SLC7A7: variants seen among roughly 807,000 people sequenced by gnomAD.
SLC7A7 encodes the protein solute carrier family 7 member 7.
SLC7A7 carries 39 observed loss-of-function variants against 47.9 expected under a neutral mutation model. The ratio of observed to expected loss-of-function variants is 0.81; its 90% CI spans 0.63 to 1.06. The LOEUF is 1.06. Among genes scored for constraint, SLC7A7 ranks in the 50% least tolerant of loss-of-function variants. SLC7A7 has a pLI of 0.00. For missense variants in SLC7A7, 588 were observed against 632.0 expected (o/e 0.93, Z 0.75); for synonymous variants, 234 against 242.8 (o/e 0.96, Z 0.34).
rs914925950 is a variant in SLC7A7, at chr14:22,773,533, C to T, written c.*77G>A. On this transcript the variant is annotated 3_prime_UTR_variant, in exon 10 of 10. Transcript: ENST00000674313. ...GGACAGGTGCCTCCAAAGAAGTGAG[C>T]TTTCCTTTTCAACTTCCTTAGCTCT... 7.6e-7 allele frequency: 1 copy of T among 1,315,616 alleles called. No homozygotes were observed. The highest frequency in any genetic ancestry group is 1.1e-6 in the Non-Finnish European group (1 of 913,290). The allele number at this position is 1,315,616 out of a possible 1,614,324, so 81.5% of individuals were successfully genotyped here. A position where few individuals can be genotyped will look rare whatever the true frequency, so the allele number is the denominator to read the frequency against.
chr14:22,775,927 C>A lies in SLC7A7; in HGVS notation c.904G>T (p.Asp302Tyr). The change falls in exon 6 of 10, where the codon GAT (aspartate) becomes TAT (tyrosine). Residue 302 changes from aspartate (D) to tyrosine (Y), a missense_variant. Coordinates refer to ENST00000674313, the MANE Select transcript of SLC7A7 (RefSeq NM_003982.4). ...ASDAVAVTFA[D>Y]QIFGIFNWII... Reference sequence around the variant, plus strand: ...CAGTTAAATATTCCAAATATCTGATCTGCAAAAGTCTAAGGGAAAAGAATG... The same window carrying A: ...CAGTTAAATATTCCAAATATCTGATATGCAAAAGTCTAAGGGAAAAGAATG... The A allele has an allele frequency of 6.2e-7, 1 of 1,612,818 alleles. No homozygotes were observed. The highest frequency in any genetic ancestry group is 8.5e-7 in the Non-Finnish European group (1 of 1,178,752).
chr14:22,801,702 G>A (rs1480604795), intron 2 of SLC7A7, among the ~76,000 whole-genome samples: 2 of 152,154 alleles, frequency 1.3e-5, no homozygotes, highest in Non-Finnish European at 2.9e-5. Context: ...TTGAACCTGG[G>A]AAGCAGAGGT....
chr14:22,787,621 TGGCACAC>T (rs2038840529), intron 2 of SLC7A7, among the ~76,000 whole-genome samples: 1 of 151,470 alleles, frequency 6.6e-6, no homozygotes, highest in Non-Finnish European at 1.5e-5. Flanking sequence ...CAGGGTGTGA[TGGCACAC>T]GCCTGTGGTC....
rs191641227 is a variant in SLC7A7 at position 22,776,430 on chromosome 14, G to C, written c.771-112C>G. On this transcript the variant is annotated intron_variant, in intron 4 of 9. Coordinates refer to ENST00000674313, the MANE Select transcript of SLC7A7 (RefSeq NM_003982.4). ...GGTCTTTCCAGGGATGGAGACTGTT[G>C]CTACATTTCCTCAATGCATTTGTCT... 6.5e-6 allele frequency: 9 copies of C among 1,387,918 alleles called. No homozygotes were observed. The East Asian group carries it at 1.4e-4, about 21-fold the overall frequency. 86.0% of individuals were successfully genotyped at this position (1,387,918 alleles called of 1,614,324 possible).
chr14:22,784,487 G>A lies in SLC7A7; in HGVS notation c.500-4436C>T, dbSNP rs571822687. ...ACAAAAATTAGCTGGGCATGGTGGT[G>A]TGTGCCTGTAGTCCCATCTACTTGG... On this transcript the variant is annotated intron_variant, in intron 2 of 9. Transcript: ENST00000674313. 2.0e-5 allele frequency among the ~76,000 whole-genome samples: 3 copies of A among 152,200 alleles called. No individual in the cohort carries two copies. In the East Asian group the frequency reaches 5.8e-4, roughly 29 times the overall value.
upstream of SLC7A7, chr14:22,816,365 G>GC (rs2039407491): frequency 1.3e-5 from 2 of 152,264 alleles, no homozygotes; most frequent in African/African-American, 4.8e-5. Context: ...GGGCGTGGTG[G>GC]CGGGCACCTG....
intron 2 of SLC7A7, among the ~76,000 whole-genome samples, chr14:22,805,608 G>T (rs1385000691): frequency 1.3e-5 from 2 of 152,096 alleles, no homozygotes; most frequent in African/African-American, 4.8e-5. Context: ...ACACACTGGG[G>T]CCTGTCGGTA....
chr14:22,785,341 T>A (rs1405254982), intron 2 of SLC7A7, among the ~76,000 whole-genome samples: 1 of 152,166 alleles, frequency 6.6e-6, no homozygotes, highest in Non-Finnish European at 1.5e-5. Flanking sequence ...AGCGTCTTCC[T>A]CCCAGCTTCT....
chr14:22,809,032 TGCACAAGTGC>T (rs1328367074), intron 2 of SLC7A7, among the ~76,000 whole-genome samples: 1 of 152,250 alleles, frequency 6.6e-6, no homozygotes, highest in Admixed American at 6.5e-5. Context: ...CACAAGTGTG[TGCACAAGTGC>T]TGTGCACCTT....
chr14:22,809,605 T>G (rs939051077), intron 2 of SLC7A7, among the ~76,000 whole-genome samples: 2 of 152,068 alleles, frequency 1.3e-5, no homozygotes, highest in Non-Finnish European at 2.9e-5. Context: ...CCTCCCAAAG[T>G]GCTGGGATTC....
chr14:22,783,084 C>T (rs2038749108), intron 2 of SLC7A7, among the ~76,000 whole-genome samples: 1 of 151,546 alleles, frequency 6.6e-6, no homozygotes, highest in Admixed American at 6.6e-5. Flanking sequence ...CAAGTGCCCA[C>T]CACCACACCT....
Position 22,813,170 on chromosome 14 carries a change from C to G in SLC7A7, c.229G>C (p.Ala77Pro). Residue 77 changes from alanine to proline, a missense_variant, in exon 2 of 10, where the codon GCT becomes CCT. Coordinates refer to ENST00000674313, the MANE Select transcript of SLC7A7 (RefSeq NM_003982.4). Reference protein sequence around the residue: ...ASFGLSLVIWAVGGLFSVFGA... With the variant: ...ASFGLSLVIWPVGGLFSVFGA... ...AAGACGGAGAAGAGGCCCCCGACAG[C>G]CCAGATGACCAGAGAGAGACCAAAG... is the stretch of plus-strand genomic sequence containing the variant. 4 of 1,614,186 alleles carry G rather than the reference C, an allele frequency of 2.5e-6. No homozygotes were observed. The highest frequency in any genetic ancestry group is 3.4e-6 in the Non-Finnish European group (4 of 1,180,032).
At chr14:22,799,342 T>C (rs949544452) in intron 2 of SLC7A7, among the ~76,000 whole-genome samples, 1 of 151,350 alleles carries the variant, frequency 6.6e-6, no homozygotes, top group African/African-American at 2.4e-5. Flanking sequence ...CAAATGTGGG[T>C]ATTCCTCAGA....
At chr14:22,818,113 C>T (rs996349965), upstream of SLC7A7, among the ~76,000 whole-genome samples, 5 of 151,286 alleles carry the variant, frequency 3.3e-5, no homozygotes, top group African/African-American at 1.2e-4. Flanking sequence ...CCTAATATGA[C>T]GTAAAAGAAA....
At chr14:22,803,593 A>G (rs1473033529) in intron 2 of SLC7A7, among the ~76,000 whole-genome samples, 2 of 152,230 alleles carry the variant, frequency 1.3e-5, no homozygotes, top group African/African-American at 4.8e-5. Context: ...TCCCTGAGAC[A>G]TGTATGTGCC....
At chr14:22,777,206 A>G (rs946300864) in intron 4 of SLC7A7, among the ~76,000 whole-genome samples, 6 of 151,626 alleles carry the variant, frequency 4.0e-5, no homozygotes, top group Non-Finnish European at 4.4e-5. Flanking sequence ...CCCCAGCATC[A>G]TAACGCACAG....
At chr14:22,819,153 T>C (rs8017022), upstream of SLC7A7, among the ~76,000 whole-genome samples, 83,591 of 151,940 alleles carry the variant, frequency 0.55, 23,971 homozygotes, top group African/African-American at 0.72. Flanking sequence ...CAGGAACTAG[T>C]ACATAATTCG....
At chr14:22,818,586 T>G (rs1203832663), upstream of SLC7A7, among the ~76,000 whole-genome samples, 32 of 122,972 alleles carry the variant, frequency 2.6e-4, no homozygotes, top group Admixed American at 3.8e-4. Flanking sequence ...GTTTTTGGTT[T>G]TTTTTTTTTT....
At chr14:22,792,054 CTCAATT>C (rs2038933361) in intron 2 of SLC7A7, among the ~76,000 whole-genome samples, 4 of 152,040 alleles carry the variant, frequency 2.6e-5, no homozygotes, top group Admixed American at 2.6e-4. Flanking sequence ...CCAGGATGGT[CTCAATT>C]TCCTGACCCC....
Sources: gnomAD v4.1 joint callset for allele counts (sites outside exome capture counted in the v4.1 genomes callset) on GRCh38, gnomAD v4.1.1 for gene constraint, MANE v1.5 for transcripts, NCBI Gene and HGNC (gene_info 2026-07-23, HGNC 2026-07-21) for gene names.